The following FAM81A variants were observed in gnomAD, a reference collection of about 807,000 sequenced individuals.
FAM81A encodes protein FAM81A.
A neutral mutation model predicts 46.7 loss-of-function variants in FAM81A; 19 were observed. The observed-to-expected ratio is 0.41, with a 90% CI of 0.28 to 0.60. FAM81A has a LOEUF of 0.60. Among genes scored for constraint, FAM81A ranks in the 20% least tolerant of loss-of-function variants. The pLI is 0.34. For synonymous variants in FAM81A, 183 were observed against 152.9 expected, an observed-to-expected ratio of 1.20 and a Z score of -1.45; for missense variants, 377 against 453.5, an observed-to-expected ratio of 0.83 and a Z score of 1.53.
upstream of FAM81A, among the ~76,000 whole-genome samples, chr15:59,437,526 G>A (rs2081251617): frequency 6.6e-6 from 1 of 152,110 alleles, no homozygotes; most frequent in African/African-American, 2.4e-5. Context: ...GAAGAGGAGG[G>A]GTGTTCGGGG....
intron 2 of FAM81A, among the ~76,000 whole-genome samples, 175 bp from the exon 3 acceptor site, chr15:59,459,758 T>G (rs2081528169): frequency 6.6e-6 from 1 of 152,210 alleles, no homozygotes; most frequent in Non-Finnish European, 1.5e-5. Context: ...CATGATTATT[T>G]AAAGATCTTT....
chr15:59,401,714 T>G, intron 1 of FAM81A: 1 of 776,550 alleles, frequency 1.3e-6, no homozygotes, highest in Admixed American at 1.7e-5. Flanking sequence ...AGCTCGAGAT[T>G]GTCCCTCTCT....
chr15:59,450,550 T>G (rs1416816183), intron 1 of FAM81A, among the ~76,000 whole-genome samples: 1 of 152,234 alleles, frequency 6.6e-6, no homozygotes, highest in African/African-American at 2.4e-5. Flanking sequence ...TATATATTCT[T>G]GTCAATACTT....
At chr15:59,454,801 A>ATT (rs1248395474) in intron 1 of FAM81A, among the ~76,000 whole-genome samples, 26 of 147,884 alleles carry the variant, frequency 1.8e-4, no homozygotes, top group African/African-American at 6.2e-4. Context: ...AATTTTTTTT[A>ATT]TTTTTTTTTA....
At chr15:59,517,451 T>C (rs1351067492) in intron 8 of FAM81A, among the ~76,000 whole-genome samples, 1 of 152,196 alleles carries the variant, frequency 6.6e-6, no homozygotes, top group Non-Finnish European at 1.5e-5. Flanking sequence ...TAATGAGTCC[T>C]AAAAGACTGA....
intron 3 of FAM81A, among the ~76,000 whole-genome samples, chr15:59,471,476 T>C (rs2081688954): frequency 6.6e-6 from 1 of 152,046 alleles, no homozygotes; most frequent in African/African-American, 2.4e-5. Context: ...ATGTTCTTTT[T>C]TTTCTGGAGA....
intron 3 of FAM81A, among the ~76,000 whole-genome samples, chr15:59,490,641 G>A (rs758027474): frequency 3.9e-5 from 6 of 152,104 alleles, no homozygotes; most frequent in Non-Finnish European, 8.8e-5. Context: ...AGACCAGCCT[G>A]GTCAACACGG....
At chr15:59,467,494 A>C (rs2081628680) in intron 3 of FAM81A, among the ~76,000 whole-genome samples, 1 of 152,092 alleles carries the variant, frequency 6.6e-6, no homozygotes, top group African/African-American at 2.4e-5. Context: ...TTCACTCATG[A>C]TTTGGCTCTC....
chr15:59,422,247 G>A (rs1470874757), intron 2 of FAM81A, among the ~76,000 whole-genome samples: 1 of 151,916 alleles, frequency 6.6e-6, no homozygotes, highest in Non-Finnish European at 1.5e-5. Flanking sequence ...AATTAGCCAG[G>A]CATGGTGACA....
At chr15:59,454,102 C>A (rs1354061818) in intron 1 of FAM81A, among the ~76,000 whole-genome samples, 5 of 152,220 alleles carry the variant, frequency 3.3e-5, no homozygotes, top group Non-Finnish European at 7.3e-5. Context: ...TCTTTCCAGA[C>A]AAACCTTCCA....
At chr15:59,428,605 A>T (rs932108231) in intron 2 of FAM81A, among the ~76,000 whole-genome samples, 12 of 139,974 alleles carry the variant, frequency 8.6e-5, no homozygotes, top group Admixed American at 7.2e-4. Flanking sequence ...TCTACTACCT[A>T]GATCCATGTC....
intron 3 of FAM81A, among the ~76,000 whole-genome samples, chr15:59,469,843 G>A (rs2081662275): frequency 6.6e-6 from 1 of 152,162 alleles, no homozygotes; most frequent in South Asian, 2.1e-4. Flanking sequence ...TGTTTTTGCA[G>A]TGGCTGGTAC....
At chr15:59,400,231 A>G (rs2081064484) in intron 1 of FAM81A, among the ~76,000 whole-genome samples, 1 of 151,522 alleles carries the variant, frequency 6.6e-6, no homozygotes, top group African/African-American at 2.4e-5. Flanking sequence ...GCGTCTGCAC[A>G]CGTCCCAATA....
chr15:59,501,197 G>A (rs1239222740), intron 4 of FAM81A, among the ~76,000 whole-genome samples: 1 of 152,104 alleles, frequency 6.6e-6, no homozygotes, highest in African/African-American at 2.4e-5. Context: ...CCTGTAATAT[G>A]AAGCCTCTGA....
In FAM81A at chr15:59,456,345, T is replaced by C. The variant is rs147366172; in HGVS notation, c.-77-2205T>C. Among the ~76,000 whole-genome samples the C allele has an allele frequency of 2.6e-4, 39 of 152,150 alleles. 1 individual carries two copies. Among genetic ancestry groups the C allele is most frequent in the African/African-American group, 8.7e-4 (36 of 41,492 alleles). Reference sequence around the variant, plus strand: ...GATTGTGGTAGGGAGTGGCCAAATATGAGGGCGGAAGAACAGGTTAGGCAG... The same window carrying C: ...GATTGTGGTAGGGAGTGGCCAAATACGAGGGCGGAAGAACAGGTTAGGCAG... On this transcript the variant is annotated intron_variant, in intron 1 of 8. Transcript: ENST00000288228.
chr15:59,514,487 A>G, intron 7 of FAM81A, 63 bp downstream of exon 7: 3 of 1,526,792 alleles, frequency 2.0e-6, no homozygotes, highest in East Asian at 2.3e-5. Flanking sequence ...CACTGTTTGA[A>G]TAATAATACC....
chr15:59,437,765 C>A (rs1375160255), upstream of FAM81A, among the ~76,000 whole-genome samples: 3 of 152,086 alleles, frequency 2.0e-5, no homozygotes, highest in African/African-American at 7.2e-5. Flanking sequence ...TATTGGGGCT[C>A]TAGAGAGAAT....
rs2082327880 is a variant in FAM81A at position 59,521,475 on chromosome 15, C to T, written c.*97C>T. ...GCCATCGCTGCATTCAGGATTGTTC[C>T]ATCCATGGCGTGCATGTGCCAAGAA... On this transcript the variant is annotated 3_prime_UTR_variant, in exon 9 of 9. Coordinates refer to ENST00000288228, the MANE Select transcript of FAM81A (RefSeq NM_152450.3). 4 of 1,406,140 alleles carry T rather than the reference C, an allele frequency of 2.8e-6. No individual in the cohort carries two copies. The allele number at this position is 1,406,140 out of a possible 1,614,324, so 87.1% of individuals were successfully genotyped here.
intron 2 of FAM81A, among the ~76,000 whole-genome samples, chr15:59,405,903 A>T (rs902305951): frequency 1.3e-5 from 2 of 152,182 alleles, no homozygotes; most frequent in Non-Finnish European, 2.9e-5. Flanking sequence ...TCTGCCTTAG[A>T]GCGTCTCCTA....
Sources: gnomAD v4.1 joint callset for allele counts (sites outside exome capture counted in the v4.1 genomes callset) on GRCh38, gnomAD v4.1.1 for gene constraint, MANE v1.5 for transcripts, NCBI Gene and HGNC (gene_info 2026-07-23, HGNC 2026-07-21) for gene names.